DCLK1: variants seen among roughly 807,000 people sequenced by gnomAD.
DCLK1 encodes the protein doublecortin like kinase 1, also known as serine/threonine-protein kinase DCLK1.
A neutral mutation model predicts 86.2 loss-of-function variants in DCLK1; 16 were observed. That is an observed-to-expected ratio of 0.19 (90% CI 0.13 to 0.28). The LOEUF is 0.28. Among genes scored for constraint, DCLK1 ranks in the 10% least tolerant of loss-of-function variants. DCLK1 has a pLI of 1.00. For missense variants in DCLK1, 590 were observed against 940.2 expected (o/e 0.63, Z 4.87); for synonymous variants, 369 against 370.5 (o/e 1.00, Z 0.05).
At chr13:35,978,196 T>C (rs1428632860) in intron 3 of DCLK1, among the ~76,000 whole-genome samples, 1 of 148,852 alleles carries the variant, frequency 6.7e-6, no homozygotes, top group Admixed American at 6.7e-5. Context: ...TTTTTTTCTT[T>C]TCTTTTCTTT....
At chr13:36,066,142 A>T (rs1849943608) in intron 3 of DCLK1, among the ~76,000 whole-genome samples, 1 of 152,216 alleles carries the variant, frequency 6.6e-6, no homozygotes, top group African/African-American at 2.4e-5. Context: ...TTGCACCTCA[A>T]ATAACCCTAT....
At chr13:36,018,207 A>G (rs1417841726) in intron 3 of DCLK1, among the ~76,000 whole-genome samples, 1 of 152,190 alleles carries the variant, frequency 6.6e-6, no homozygotes, top group African/African-American at 2.4e-5. Context: ...AATTGTAACC[A>G]ATTGTCATGT....
chr13:36,050,441 A>T (rs1883081596), intron 3 of DCLK1, among the ~76,000 whole-genome samples: 1 of 152,146 alleles, frequency 6.6e-6, no homozygotes, highest in African/African-American at 2.4e-5. Context: ...ACAATGATGT[A>T]GCTGAAATTA....
At position 35,904,632 on chromosome 13, in the gene DCLK1, C is replaced by T. The variant is rs138205264; in HGVS notation, c.824-33292G>A. 2.0e-3 allele frequency among the ~76,000 whole-genome samples: 302 copies of T among 152,300 alleles called. 1 individual carries two copies. The highest frequency in any genetic ancestry group is 6.5e-3 in the African/African-American group (271 of 41,564). On this transcript the variant is annotated intron_variant, in intron 4 of 16. Transcript: ENST00000360631. ...GCTCCTTGTCTATGTCCACCTCCTT[C>T]CCTTTTGCCTTTAGGAAAGAAGGGC...
chr13:35,822,941 C>T, intron 10 of DCLK1, 66 bp from the exon 11 acceptor site: 1 of 1,572,770 alleles, frequency 6.4e-7, no homozygotes, highest in South Asian at 1.1e-5. Flanking sequence ...CCTGCAGAGG[C>T]CATTGACAAA....
At position 35,864,288 on chromosome 13, in the gene DCLK1, G is replaced by A. The variant is rs1476203242; in HGVS notation, c.940+6936C>T. On this transcript the variant is annotated intron_variant, in intron 5 of 16. Transcript: ENST00000360631. ...ATGATAAAAAGTTGGCTATCTGGCC[G>A]GGCGCGGTGGCTCACGCCTGTAATC... 3.7e-5 allele frequency among the ~76,000 whole-genome samples: 5 copies of A among 135,640 alleles called. 1 individual carries two copies. Among genetic ancestry groups the A allele is most frequent in the South Asian group, 2.3e-4 (1 of 4,398 alleles). 89.0% of individuals were successfully genotyped at this position (135,640 alleles called of 152,430 possible). A position where few individuals can be genotyped will look rare whatever the true frequency, so the allele number is the denominator to read the frequency against.
intron 3 of DCLK1, among the ~76,000 whole-genome samples, chr13:36,020,967 T>C (rs1881752339): frequency 6.6e-6 from 1 of 152,144 alleles, no homozygotes; most frequent in Admixed American, 6.5e-5. Flanking sequence ...AATATATAAG[T>C]ATGTAAATGT....
intron 3 of DCLK1, among the ~76,000 whole-genome samples, chr13:35,998,423 G>A (rs1880567607): frequency 6.6e-6 from 1 of 152,032 alleles, no homozygotes; most frequent in South Asian, 2.1e-4. Flanking sequence ...GCTCTTCAGA[G>A]GCACCTCACA....
At chr13:36,085,149 A>AT (rs2138121523) in intron 3 of DCLK1, among the ~76,000 whole-genome samples, 1 of 152,212 alleles carries the variant, frequency 6.6e-6, no homozygotes, top group African/African-American at 2.4e-5. Flanking sequence ...AAATACACTA[A>AT]TTTTTTCTCC....
chr13:35,799,355 G>T (rs1280982370), intron 15 of DCLK1, among the ~76,000 whole-genome samples: 4 of 152,090 alleles, frequency 2.6e-5, no homozygotes, highest in Non-Finnish European at 5.9e-5. Flanking sequence ...GGGTTCAAGC[G>T]ATTCTCCTGC....
At chr13:35,954,162 G>T (rs1394948776) in intron 3 of DCLK1, among the ~76,000 whole-genome samples, 1 of 151,594 alleles carries the variant, frequency 6.6e-6, no homozygotes, top group African/African-American at 2.4e-5. Flanking sequence ...ACGTTCTGTA[G>T]CTAACAGTTT....
intron 5 of DCLK1, among the ~76,000 whole-genome samples, chr13:35,864,812 C>T (rs888320104): frequency 6.6e-6 from 1 of 151,758 alleles, no homozygotes; most frequent in Non-Finnish European, 1.5e-5. Flanking sequence ...ACCATTACAC[C>T]CAGCTAGTTT....
chr13:35,912,060 C>T (rs529003382), intron 4 of DCLK1, among the ~76,000 whole-genome samples: 42 of 151,854 alleles, frequency 2.8e-4, no homozygotes, highest in Middle Eastern at 6.8e-3. Context: ...GAATATGTTT[C>T]ATACAGCGCC....
intron 1 of DCLK1, among the ~76,000 whole-genome samples, chr13:36,129,445 T>A (rs1233094220): frequency 2.0e-5 from 3 of 152,184 alleles, no homozygotes; most frequent in South Asian, 2.1e-4. Context: ...AAGTGGGCAA[T>A]GGTGTCGACA....
chr13:35,905,865 G>A (rs773137662), intron 4 of DCLK1, among the ~76,000 whole-genome samples: 1 of 152,046 alleles, frequency 6.6e-6, no homozygotes, highest in Non-Finnish European at 1.5e-5. Flanking sequence ...CCAGGGCGAG[G>A]ATTTCCTAAT....
intron 3 of DCLK1, among the ~76,000 whole-genome samples, chr13:36,061,866 T>C (rs1883559896): frequency 6.6e-6 from 1 of 152,234 alleles, no homozygotes; most frequent in Non-Finnish European, 1.5e-5. Context: ...CACAGCATGG[T>C]ACATTTCAAT....
chr13:35,829,573 C>T (rs906945451), intron 8 of DCLK1, among the ~76,000 whole-genome samples: 4 of 152,154 alleles, frequency 2.6e-5, no homozygotes, highest in Non-Finnish European at 4.4e-5. Context: ...AGAGACCAGG[C>T]GTTAATGTGT....
At chr13:35,933,913 A>T (rs1168683547) in intron 4 of DCLK1, among the ~76,000 whole-genome samples, 4 of 152,170 alleles carry the variant, frequency 2.6e-5, no homozygotes, top group Non-Finnish European at 5.9e-5. Context: ...TTTCTATCAC[A>T]TTGTCAAGCT....
At chr13:35,788,793 A>G (rs907947566) in intron 16 of DCLK1, among the ~76,000 whole-genome samples, 4 of 152,196 alleles carry the variant, frequency 2.6e-5, no homozygotes, top group African/African-American at 9.6e-5. Flanking sequence ...TCAAAAGCAG[A>G]GCTACTCTTA....
Sources: allele counts gnomAD v4.1 joint callset (sites outside exome capture counted in the v4.1 genomes callset), GRCh38; gene constraint gnomAD v4.1.1; transcripts MANE v1.5; gene names NCBI Gene and HGNC (gene_info 2026-07-23, HGNC 2026-07-21).